The following ZNF516 variants were observed in gnomAD, a reference collection of about 807,000 sequenced individuals.
ZNF516 encodes zinc finger protein 516.
ZNF516 carries 19 observed loss-of-function variants against 79.7 expected under a neutral mutation model. The ratio of observed to expected loss-of-function variants is 0.24; its 90% confidence interval spans 0.17 to 0.35. The LOEUF is 0.35. Ranked by LOEUF, ZNF516 falls within the 10% of genes least tolerant of loss-of-function variation. The probability of loss-of-function intolerance (pLI) is 1.00; values close to 1 mark genes in which losing one functional copy is unlikely to be tolerated. For synonymous variants in ZNF516, 877 were observed against 739.5 expected, an observed-to-expected ratio of 1.19 and a Z score of -3.02; for missense variants, 1,678 against 1,679.5, an observed-to-expected ratio of 1.00 and a Z score of 0.02.
At position 76,428,756 on chromosome 18, in the gene ZNF516, G is replaced by A. The variant is rs117464611; in HGVS notation, c.1810+12489C>T. Among the ~76,000 whole-genome samples, 671 of 152,384 alleles carry A rather than the reference G, an allele frequency of 4.4e-3. 2 individuals are homozygous for A. The highest frequency in any genetic ancestry group is 7.0e-3 in the Non-Finnish European group (478 of 68,042). On this transcript the variant is annotated intron_variant, in intron 3 of 6. Coordinates refer to ENST00000443185, the MANE Select transcript of ZNF516 (RefSeq NM_014643.4). ...GTCAGAAGTAAACTCTCAGGAAGAG[G>A]TGAGGCCGGTAAGGACAGTCAACAG...
chr18:76,385,945 G>C (rs764445040), intron 3 of ZNF516: 1 of 152,268 alleles, frequency 6.6e-6, no homozygotes, highest in South Asian at 2.1e-4. Flanking sequence ...CCTACAAAGC[G>C]GCCCTTCCAA....
intron 1 of ZNF516, chr18:76,491,695 T>TGCCCC: frequency 1.5e-5 from 2 of 130,944 alleles, no homozygotes; most frequent in South Asian, 2.7e-4. Flanking sequence ...GGCAGGTGAG[T>TGCCCC]CCCCCCCCGA....
Position 76,433,008 on chromosome 18 carries a change from C to T in ZNF516, c.1810+8237G>A, listed in dbSNP as rs184170970. On this transcript the variant is annotated intron_variant, in intron 3 of 6. Coordinates refer to ENST00000443185, the MANE Select transcript of ZNF516 (RefSeq NM_014643.4). ...AACAACACCAAAAGCGAGACCTGGC[C>T]GCACATCCTGAGTCCACACATCCTG... Among the ~76,000 whole-genome samples the T allele has an allele frequency of 5.9e-5, 9 of 152,310 alleles. No individual in the cohort carries two copies. The East Asian group carries it at 1.5e-3, about 26-fold the overall frequency.
chr18:76,453,777 CT>C (rs1202861664), intron 2 of ZNF516, among the ~76,000 whole-genome samples: 5 of 152,188 alleles, frequency 3.3e-5, no homozygotes, highest in African/African-American at 9.7e-5. Flanking sequence ...TATTTTTTAA[CT>C]GGGTGACACT....
chr18:76,459,313 C>T lies in ZNF516; in HGVS notation c.-158+3715G>A, dbSNP rs964001503. Among the ~76,000 whole-genome samples the T allele has an allele frequency of 1.3e-5, 2 of 152,206 alleles. No homozygotes were observed. The highest frequency in any genetic ancestry group is 2.9e-5 in the Non-Finnish European group (2 of 68,036). ...AGTGCCAGCTCGGGAAATCCTGGGC[C>T]GGTGACAGCCCTGACCCGTGGCCAC... is the stretch of plus-strand genomic sequence containing the variant. On this transcript the variant is annotated intron_variant, in intron 2 of 6. Transcript: ENST00000443185. The surrounding 1 kb of genome is among the most constrained non-coding windows in gnomAD (Gnocchi z 5.0).
chr18:76,467,137 C>T lies in ZNF516; in HGVS notation c.-271-3996G>A, dbSNP rs905793920. 3.4e-4 allele frequency among the ~76,000 whole-genome samples: 50 copies of T among 148,392 alleles called. 2 individuals are homozygous for T. The highest frequency in any genetic ancestry group is 1.1e-3 in the African/African-American group (43 of 39,734). The stretch of plus-strand genomic sequence containing the variant: ...CTGGCAGGAAGTCCTGCGTGTCTCT[C>T]GGAACCTGCAGCTCACAGCCCTTCT... On this transcript the variant is annotated intron_variant, in intron 1 of 6. Transcript: ENST00000443185. This position sits in a 1 kb window ranked among gnomAD's most constrained non-coding sequence, Gnocchi z 4.2.
At chr18:76,418,186 TGCTATAACACACTGTAACACAC>T (rs1191130079) in intron 3 of ZNF516, among the ~76,000 whole-genome samples, 3 of 151,400 alleles carry the variant, frequency 2.0e-5, no homozygotes, top group Non-Finnish European at 2.9e-5. Context: ...CTGCAACACA[TGCTATAACACACTGTAACACAC>T]GCTATAACAC....
rs759767858 is a variant in ZNF516 at position 76,463,943 on chromosome 18, CAGA to C, written c.-271-805_-271-803del. On this transcript the variant is annotated intron_variant, in intron 1 of 6. Transcript: ENST00000443185. Reference sequence around the variant, plus strand: ...ACACACTTTTCAAAAGGAAAAAAGACAGAAGAAGATCCACCGAAACAAGATCTC... The same window carrying C: ...ACACACTTTTCAAAAGGAAAAAAGACAGAAGATCCACCGAAACAAGATCTC... Among the ~76,000 whole-genome samples, 11 of 152,334 alleles carry C rather than the reference CAGA, an allele frequency of 7.2e-5. No individual in the cohort carries two copies. The East Asian group carries it at 1.4e-3, about 19-fold the overall frequency.
chr18:76,360,646 A>AAAAAAAAATAT lies in ZNF516; in HGVS notation c.*1851_*1852insATATTTTTTTT, dbSNP rs373540251. The AAAAAAAAATAT allele has an allele frequency of 2.0e-3, 144 of 72,422 alleles. No individual in the cohort carries two copies. The highest frequency in any genetic ancestry group is 3.3e-3 in the Non-Finnish European group (122 of 36,892). The allele number at this position is 72,422 out of a possible 1,614,324, so 4.5% of individuals were successfully genotyped here. On this transcript the variant is annotated 3_prime_UTR_variant, in exon 7 of 7. Coordinates refer to ENST00000443185, the MANE Select transcript of ZNF516 (RefSeq NM_014643.4). ...AAAAAAATAAGTAAAAAAAAAAAAA[A>AAAAAAAAATAT]ATATATATATATATATATATATATA...
intron 3 of ZNF516, among the ~76,000 whole-genome samples, chr18:76,422,196 GAC>G (rs1568277627): frequency 6.6e-6 from 1 of 152,144 alleles, no homozygotes; most frequent in Non-Finnish European, 1.5e-5. Context: ...CACTAAATAA[GAC>G]ACAGTAAACT....
upstream of ZNF516, chr18:76,496,202 A>G (rs996525270): frequency 2.5e-6 from 3 of 1,190,352 alleles, no homozygotes; most frequent in Non-Finnish European, 3.2e-6. Flanking sequence ...AGCGAGGGCG[A>G]GCGCCCCTTC....
In ZNF516 at chr18:76,360,813, A is replaced by T. The variant is rs976660206; in HGVS notation, c.*1685T>A. The T allele has an allele frequency of 1.4e-5, 2 of 142,068 alleles. No individual in the cohort carries two copies. The highest frequency in any genetic ancestry group is 5.4e-5 in the African/African-American group (2 of 37,276). 8.8% of individuals were successfully genotyped at this position (142,068 alleles called of 1,614,324 possible). A position where few individuals can be genotyped will look rare whatever the true frequency, so the allele number is the denominator to read the frequency against. The stretch of plus-strand genomic sequence containing the variant: ...CAATAACAATAATAATAATAATAAT[A>T]ATAATAATATAATAATATTCAACAA... On this transcript the variant is annotated 3_prime_UTR_variant, in exon 7 of 7. Coordinates refer to ENST00000443185, the MANE Select transcript of ZNF516 (RefSeq NM_014643.4).
At chr18:76,446,292 C>T (rs1912047068) in intron 2 of ZNF516, among the ~76,000 whole-genome samples, 1 of 152,320 alleles carries the variant, frequency 6.6e-6, no homozygotes, top group South Asian at 2.1e-4. Flanking sequence ...ACACCTGGCA[C>T]TTAGGCCCCT....
chr18:76,458,202 T>A (rs372084733), intron 2 of ZNF516, among the ~76,000 whole-genome samples: 1 of 152,196 alleles, frequency 6.6e-6, no homozygotes, highest in Non-Finnish European at 1.5e-5. Flanking sequence ...CAGAAATCCT[T>A]GATAAAGTCT....
chr18:76,435,075 T>C (rs962454789), intron 3 of ZNF516, among the ~76,000 whole-genome samples: 1 of 152,208 alleles, frequency 6.6e-6, no homozygotes, highest in Non-Finnish European at 1.5e-5. Flanking sequence ...AACGGGAGGA[T>C]AGAATGGATA....
chr18:76,378,332 C>A (rs1039156004), intron 4 of ZNF516: 1 of 152,378 alleles, frequency 6.6e-6, no homozygotes. Context: ...TTATATGGTA[C>A]ATCGATCCTC....
chr18:76,492,197 C>T, intron 1 of ZNF516: 1 of 985,472 alleles, frequency 1.0e-6, no homozygotes, highest in Non-Finnish European at 1.2e-6. Flanking sequence ...CCCCGCGGTG[C>T]TCCCGGAAGA....
chr18:76,404,408 TG>T (rs1164150481), intron 3 of ZNF516, among the ~76,000 whole-genome samples: 2 of 152,118 alleles, frequency 1.3e-5, no homozygotes, highest in Non-Finnish European at 1.5e-5. Flanking sequence ...TGTGTGAGTG[TG>T]GGGGTGAGTG....
intron 1 of ZNF516, chr18:76,491,590 G>C (rs1475874820): frequency 1.1e-5 from 2 of 179,192 alleles, no homozygotes; most frequent in Non-Finnish European, 2.1e-5. Context: ...CGGCGGGCCA[G>C]GCCCTCCCCG....
Sources: allele counts gnomAD v4.1 joint callset (sites outside exome capture counted in the v4.1 genomes callset), GRCh38; gene constraint gnomAD v4.1.1; non-coding constraint Gnocchi (gnomAD v3.1); transcripts MANE v1.5; gene names NCBI Gene and HGNC (gene_info 2026-07-23, HGNC 2026-07-21).